The following R3HDM1 variants were observed in gnomAD, a reference collection of about 807,000 sequenced individuals.
R3HDM1 encodes R3H domain-containing protein 1.
In R3HDM1, 46 loss-of-function variants were observed where a neutral mutation model predicts 141.1. The observed-to-expected ratio is 0.33, with a 90% confidence interval of 0.26 to 0.42. R3HDM1 has a LOEUF of 0.42. Ranked by LOEUF, R3HDM1 falls within the 10% of genes least tolerant of loss-of-function variation. The pLI is 1.00. For synonymous variants in R3HDM1, 435 were observed against 472.9 expected, an observed-to-expected ratio of 0.92 and a Z score of 1.04; for missense variants, 1,184 against 1,368.3, an observed-to-expected ratio of 0.87 and a Z score of 2.12.
At chr2:135,583,194 C>T (rs1349132117) in intron 1 of R3HDM1, among the ~76,000 whole-genome samples, 5 of 152,086 alleles carry the variant, frequency 3.3e-5, no homozygotes, top group Admixed American at 1.3e-4. Context: ...TTTTGTTTAC[C>T]GGTCTCTCTA....
chr2:135,702,761 G>T (rs530300291), intron 21 of R3HDM1, among the ~76,000 whole-genome samples: 1 of 151,776 alleles, frequency 6.6e-6, no homozygotes, highest in Non-Finnish European at 1.5e-5. Flanking sequence ...AGGTTGCAGC[G>T]AGCCGAGATC....
intron 1 of R3HDM1, chr2:135,597,129 T>C (rs2059258579): frequency 1.0e-6 from 1 of 978,830 alleles, no homozygotes; most frequent in Non-Finnish European, 1.2e-6. Flanking sequence ...CTCCACTAAT[T>C]ATTCTCTCTC....
intron 21 of R3HDM1, among the ~76,000 whole-genome samples, chr2:135,689,985 G>A (rs2072056159): frequency 6.6e-6 from 1 of 152,052 alleles, no homozygotes; most frequent in Non-Finnish European, 1.5e-5. Flanking sequence ...TATTCTCAAA[G>A]GGGTAGCATA....
intron 24 of R3HDM1, among the ~76,000 whole-genome samples, chr2:135,719,953 CT>C (rs914999762): frequency 9.2e-5 from 14 of 151,970 alleles, no homozygotes; most frequent in African/African-American, 3.4e-4. Flanking sequence ...TCAAGCTATT[CT>C]CCTGCCTCAG....
intron 1 of R3HDM1, chr2:135,596,979 T>C: frequency 1.0e-6 from 1 of 967,764 alleles, no homozygotes; most frequent in Non-Finnish European, 1.2e-6. Flanking sequence ...ACAAATTGTT[T>C]TCTAAAGTGG....
At chr2:135,621,992 A>T (rs890640820) in intron 6 of R3HDM1, 11 of 983,472 alleles carry the variant, frequency 1.1e-5, no homozygotes, top group Admixed American at 6.2e-5. Context: ...TCTTGGAAAC[A>T]GAGTGTTTAT....
At chr2:135,689,342 C>T (rs567078068) in intron 21 of R3HDM1, among the ~76,000 whole-genome samples, 1 of 152,306 alleles carries the variant, frequency 6.6e-6, no homozygotes, top group East Asian at 1.9e-4. Context: ...TAAATTACTA[C>T]ATATCAACAA....
At chr2:135,596,939 A>T in intron 1 of R3HDM1, 1 of 833,338 alleles carries the variant, frequency 1.2e-6, no homozygotes. Flanking sequence ...GAGTCATAGG[A>T]TATGTGGGAT....
chr2:135,624,750 A>C (rs78858295), intron 7 of R3HDM1, among the ~76,000 whole-genome samples: 1,658 of 152,330 alleles, frequency 0.011, 15 homozygotes, highest in Middle Eastern at 0.048. Context: ...GTGTTTTAGA[A>C]AGATTATTTT....
intron 9 of R3HDM1, among the ~76,000 whole-genome samples, chr2:135,633,148 T>C (rs949018647): frequency 1.3e-5 from 2 of 152,140 alleles, no homozygotes; most frequent in African/African-American, 4.8e-5. Context: ...AAAATGTGAG[T>C]CTGATTTAGT....
chr2:135,582,248 T>C (rs1296497210), intron 1 of R3HDM1, among the ~76,000 whole-genome samples: 1 of 152,158 alleles, frequency 6.6e-6, no homozygotes, highest in Admixed American at 6.5e-5. Flanking sequence ...GGAGAATCAC[T>C]TGAACCCGGG....
In R3HDM1 at chr2:135,569,481, TA is replaced by T. The variant is rs532028284; in HGVS notation, c.-249-33006del. Among the ~76,000 whole-genome samples, 786 of 142,488 alleles carry T rather than the reference TA, an allele frequency of 5.5e-3. 4 individuals are homozygous for T. Among genetic ancestry groups the T allele is most frequent in the African/African-American group, 0.015 (583 of 38,986 alleles). 93.5% of individuals were successfully genotyped at this position (142,488 alleles called of 152,430 possible). ...CTGGGCAACAAAATGAGACTCCATC[TA>T]AAAAAAAAAAAATTCATAATCACAG... On this transcript the variant is annotated intron_variant, in intron 1 of 26. Transcript: ENST00000683871.
At chr2:135,552,951 TC>T (rs772765405) in intron 1 of R3HDM1, among the ~76,000 whole-genome samples, 3 of 151,932 alleles carry the variant, frequency 2.0e-5, no homozygotes, top group Non-Finnish European at 4.4e-5. Flanking sequence ...TGATCATAGC[TC>T]ACTGCAGCCT....
At chr2:135,670,668 C>G (rs2068206588) in intron 19 of R3HDM1, among the ~76,000 whole-genome samples, 1 of 152,026 alleles carries the variant, frequency 6.6e-6, no homozygotes, top group African/African-American at 2.4e-5. Flanking sequence ...CCCATATAGA[C>G]TTTTTCTATG....
At chr2:135,715,007 G>T (rs1275408653) in intron 23 of R3HDM1, among the ~76,000 whole-genome samples, 3 of 152,168 alleles carry the variant, frequency 2.0e-5, no homozygotes, top group Admixed American at 6.6e-5. Flanking sequence ...AGGATGTATA[G>T]TCTGTTCCCA....
rs1181989222 is a variant in R3HDM1 at position 135,639,063 on chromosome 2, T to C, written c.1160T>C (p.Val387Ala). Residue 387 changes from valine to alanine, a missense_variant, in exon 14 of 27, where the codon GTC becomes GCC. Val to Ala is a moderately conservative substitution (Grantham distance 64). Around this residue, in one of 5 missense-constraint regions of R3HDM1, gnomAD observed 240 missense variants for 312.3 expected, o/e 0.77. Transcript: ENST00000683871. The stretch of plus-strand genomic sequence containing the variant: ...GCCAGCAGCTTCAGTGGAATCTCAG[T>C]CCTGACAAGAGGTGATAGTTCTGGA... ...TKASSFSGIS[V>A]LTRGDSSGSS... 6.2e-6 allele frequency: 10 copies of C among 1,614,012 alleles called. No homozygotes were observed. Among genetic ancestry groups the C allele is most frequent in the Non-Finnish European group, 6.8e-6 (8 of 1,180,012 alleles).
chr2:135,700,344 T>G (rs1323517579), intron 21 of R3HDM1, among the ~76,000 whole-genome samples: 1 of 152,224 alleles, frequency 6.6e-6, no homozygotes, highest in Non-Finnish European at 1.5e-5. Context: ...GTGTTTGTTC[T>G]GTGTTAATTG....
intron 19 of R3HDM1, chr2:135,665,484 T>C (rs1174766705): frequency 1.9e-6 from 1 of 533,060 alleles, no homozygotes; most frequent in Admixed American, 1.9e-5. Flanking sequence ...GCTTCCTGGC[T>C]TCTTTTTACT....
At chr2:135,720,593 C>G (rs1254491202) in intron 24 of R3HDM1, among the ~76,000 whole-genome samples, 1 of 152,178 alleles carries the variant, frequency 6.6e-6, no homozygotes. Flanking sequence ...GATCTCCATC[C>G]TCATTAACCC....
Sources: gnomAD v4.1 joint callset for allele counts (sites outside exome capture counted in the v4.1 genomes callset) on GRCh38, gnomAD v4.1.1 for gene constraint, gnomAD v4.1.1 regional missense constraint, MANE v1.5 for transcripts, NCBI Gene and HGNC (gene_info 2026-07-23, HGNC 2026-07-21) for gene names.